Variants in RBFOX1 observed in about 807,000 individuals in gnomAD.
RBFOX1 encodes RNA binding protein fox-1 homolog 1.
Under a neutral mutation model 57.7 loss-of-function variants are expected in RBFOX1, and 8 were observed. The ratio of observed to expected loss-of-function variants is 0.14; its 90% CI spans 0.08 to 0.25. The LOEUF is 0.25. Among genes scored for constraint, RBFOX1 ranks in the 10% least tolerant of loss-of-function variants. The probability of loss-of-function intolerance (pLI) is 1.00; values close to 1 mark genes in which losing one functional copy is unlikely to be tolerated. For synonymous variants in RBFOX1, 326 were observed against 222.4 expected (o/e 1.47, Z -4.15); for missense variants, 611 against 548.5 (o/e 1.11, Z -1.14).
At chr16:6,683,245 A>G (rs1202832966) in intron 3 of RBFOX1, among the ~76,000 whole-genome samples, 1 of 152,208 alleles carries the variant, frequency 6.6e-6, no homozygotes, top group African/African-American at 2.4e-5. Context: ...GACAAAAAGG[A>G]CATAGTTCCA....
intron 3 of RBFOX1, among the ~76,000 whole-genome samples, chr16:5,816,391 C>G (rs890551539): frequency 3.9e-5 from 6 of 152,314 alleles, no homozygotes; most frequent in African/African-American, 1.4e-4. Flanking sequence ...AGTGACAAAA[C>G]CGTCTTCTCT....
chr16:6,407,114 A>G (rs1192094451), intron 2 of RBFOX1, among the ~76,000 whole-genome samples: 1 of 152,224 alleles, frequency 6.6e-6, no homozygotes, highest in Non-Finnish European at 1.5e-5. Context: ...GCTATGTAAC[A>G]TAGTGGCCAG....
In RBFOX1 at chr16:7,149,161, A is replaced by G. The variant is rs78898196; in HGVS notation, c.27+97063A>G. On this transcript the variant is annotated intron_variant, in intron 4 of 15. Coordinates refer to ENST00000550418, the MANE Select transcript of RBFOX1 (RefSeq NM_018723.4). ...AACCAAGTATTGGAAATCATTTCCT[A>G]CTGCCCAGTTTCCCCAATTCTCCTC... Among the ~76,000 whole-genome samples the G allele has an allele frequency of 2.6e-5, 4 of 152,254 alleles. No homozygotes were observed. The East Asian group carries it at 7.7e-4, about 29-fold the overall frequency.
chr16:6,305,439 T>C (rs1293133177), intron 1 of RBFOX1, among the ~76,000 whole-genome samples: 4 of 152,144 alleles, frequency 2.6e-5, no homozygotes, highest in Admixed American at 1.3e-4. Context: ...TAATTTTTAT[T>C]ATTTTCTTGC....
chr16:5,645,126 G>A (rs374123039), intron 3 of RBFOX1, among the ~76,000 whole-genome samples: 13 of 151,810 alleles, frequency 8.6e-5, no homozygotes, highest in South Asian at 2.1e-4. Context: ...ATGCATGCCC[G>A]TAATCCCAGG....
intron 1 of RBFOX1, among the ~76,000 whole-genome samples, chr16:6,310,689 C>T (rs981328150): frequency 2.0e-5 from 3 of 152,138 alleles, no homozygotes. Context: ...TGTACTGTCA[C>T]TCATGAATAT....
At chr16:6,842,159 TAAATA>T (rs1419898717) in intron 3 of RBFOX1, among the ~76,000 whole-genome samples, 2 of 88,198 alleles carry the variant, frequency 2.3e-5, no homozygotes, top group Non-Finnish European at 4.6e-5. Context: ...AAATAAAAAA[TAAATA>T]AATAAATAAA....
intron 4 of RBFOX1, among the ~76,000 whole-genome samples, chr16:7,285,903 A>G (rs555311949): frequency 6.6e-6 from 1 of 152,346 alleles, no homozygotes; most frequent in South Asian, 2.1e-4. Flanking sequence ...GGGCTCAAGA[A>G]AGAACATGCT....
At chr16:5,759,030 T>C (rs565287972) in intron 3 of RBFOX1, among the ~76,000 whole-genome samples, 118 of 152,330 alleles carry the variant, frequency 7.7e-4, no homozygotes, top group African/African-American at 2.8e-3. Context: ...AGCAAATTCA[T>C]GAAACCTCCA....
chr16:7,341,684 A>G (rs1226632667), intron 4 of RBFOX1, among the ~76,000 whole-genome samples: 1 of 150,656 alleles, frequency 6.6e-6, no homozygotes, highest in Non-Finnish European at 1.5e-5. Flanking sequence ...TTCAGAGAAC[A>G]ATGGTCCTAC....
chr16:5,415,025 A>C (rs1353420804), intron 1 of RBFOX1, among the ~76,000 whole-genome samples: 1 of 152,144 alleles, frequency 6.6e-6, no homozygotes, highest in Admixed American at 6.5e-5. Context: ...ACAGTCTTGT[A>C]AGGTTGACCC....
chr16:6,625,157 TAAAAAAAAAAAAAAAAAA>T (rs34634402), intron 2 of RBFOX1, among the ~76,000 whole-genome samples: 108 of 56,344 alleles, frequency 1.9e-3, no homozygotes, highest in Admixed American at 4.5e-3. Flanking sequence ...CAACCCTATC[TAAAAAAAAAAAAAAAAAA>T]AAAAAAAAAA....
chr16:6,181,248 G>A (rs937319173), intron 1 of RBFOX1, among the ~76,000 whole-genome samples: 2 of 152,096 alleles, frequency 1.3e-5, no homozygotes, highest in Admixed American at 6.6e-5. Context: ...AGCTCCTTTT[G>A]GACCATGGCA....
At chr16:6,911,403 C>G (rs2071553183) in intron 3 of RBFOX1, among the ~76,000 whole-genome samples, 1 of 152,160 alleles carries the variant, frequency 6.6e-6, no homozygotes, top group African/African-American at 2.4e-5. Context: ...GAATCTGTTC[C>G]ATGCCCCTCC....
chr16:5,953,789 A>T (rs913463880), intron 4 of RBFOX1, among the ~76,000 whole-genome samples: 2 of 151,648 alleles, frequency 1.3e-5, no homozygotes, highest in South Asian at 2.1e-4. Context: ...CATTTTTGCA[A>T]TTGTGAATTG....
At chr16:5,548,872 G>A (rs1317114471) in intron 2 of RBFOX1, among the ~76,000 whole-genome samples, 2 of 152,136 alleles carry the variant, frequency 1.3e-5, no homozygotes, top group Non-Finnish European at 2.9e-5. Context: ...CCAAGGATGA[G>A]GAAGAAGATG....
In RBFOX1 at chr16:6,187,238, T is replaced by C. The variant is rs545480683; in HGVS notation, c.-126-129757T>C. Among the ~76,000 whole-genome samples the C allele has an allele frequency of 4.6e-5, 7 of 152,266 alleles. No homozygotes were observed. The South Asian group carries it at 1.4e-3, about 32-fold the overall frequency. ...CTGTATCAGGTCATAGAAAGCATTC[T>C]GCCTTCTAGGGAAGTGAGTTGGGAT... On this transcript the variant is annotated intron_variant, in intron 1 of 15. Coordinates refer to ENST00000550418, the MANE Select transcript of RBFOX1 (RefSeq NM_018723.4).
At chr16:5,580,574 C>A (rs1178819765) in intron 2 of RBFOX1, among the ~76,000 whole-genome samples, 1 of 152,180 alleles carries the variant, frequency 6.6e-6, no homozygotes, top group Non-Finnish European at 1.5e-5. Context: ...GGTCCTGCTT[C>A]AACGCTGGTT....
intron 3 of RBFOX1, among the ~76,000 whole-genome samples, chr16:5,683,085 A>G (rs1048667413): frequency 6.7e-6 from 1 of 148,480 alleles, no homozygotes; most frequent in East Asian, 2.0e-4. Context: ...AAGACTGGAC[A>G]ATGCTTTGTT....
Sources: allele counts gnomAD v4.1 joint callset (sites outside exome capture counted in the v4.1 genomes callset), GRCh38; gene constraint gnomAD v4.1.1; transcripts MANE v1.5; gene names NCBI Gene and HGNC (gene_info 2026-07-23, HGNC 2026-07-21).